The following TOX variants were observed in gnomAD, a reference collection of about 807,000 sequenced individuals.
TOX encodes thymocyte selection associated high mobility group box.
In TOX, 11 loss-of-function variants were observed where a neutral mutation model predicts 53.7. The observed-to-expected ratio is 0.20, with a 90% CI of 0.13 to 0.34. TOX has a LOEUF of 0.34. TOX is among the 10% of genes least tolerant of loss of function. The probability of loss-of-function intolerance (pLI) is 1.00; values close to 1 mark genes in which losing one functional copy is unlikely to be tolerated. For missense variants in TOX, 570 were observed against 664.6 expected, an observed-to-expected ratio of 0.86 and a Z score of 1.56; for synonymous variants, 225 against 245.3, an observed-to-expected ratio of 0.92 and a Z score of 0.77.
intron 1 of TOX, among the ~76,000 whole-genome samples, chr8:59,047,200 A>ATTTTT (rs1563429080): frequency 8.7e-6 from 1 of 115,282 alleles, no homozygotes; most frequent in African/African-American, 3.4e-5. Flanking sequence ...TCCACCAAGA[A>ATTTTT]TTGTTTTTTT....
chr8:58,810,249 T>C (rs894601086), intron 7 of TOX, among the ~76,000 whole-genome samples: 1 of 152,150 alleles, frequency 6.6e-6, no homozygotes, highest in Non-Finnish European at 1.5e-5. Flanking sequence ...AGGGATCCTC[T>C]TACCTTGGTC....
At chr8:58,904,335 T>C (rs1479405472) in intron 3 of TOX, among the ~76,000 whole-genome samples, 1 of 152,154 alleles carries the variant, frequency 6.6e-6, no homozygotes, top group Non-Finnish European at 1.5e-5. Flanking sequence ...GGCTTCTATG[T>C]GATACTAAAG....
intron 3 of TOX, among the ~76,000 whole-genome samples, chr8:58,862,391 ATCAC>A (rs1047619376): frequency 3.3e-5 from 5 of 152,188 alleles, no homozygotes; most frequent in Non-Finnish European, 2.9e-5. Context: ...TAATATTAAC[ATCAC>A]TCACTCATTT....
intron 1 of TOX, among the ~76,000 whole-genome samples, chr8:59,090,842 C>T (rs1804596235): frequency 6.6e-6 from 1 of 152,058 alleles, no homozygotes; most frequent in African/African-American, 2.4e-5. Context: ...TCCTCAAGGC[C>T]CATCAAACAA....
Position 58,838,609 on chromosome 8 carries a change from A to C in TOX, c.694-298T>G, listed in dbSNP as rs1238919407. Among the ~76,000 whole-genome samples, 3 of 151,440 alleles carry C rather than the reference A, an allele frequency of 2.0e-5. No homozygotes were observed. The East Asian group carries it at 5.8e-4, about 29-fold the overall frequency. ...TAACATTCCTAACTTTTTCTCTTAC[A>C]CTGTAACTGTGTCAACAGCAGATTT... On this transcript the variant is annotated intron_variant, in intron 4 of 8. Coordinates refer to ENST00000361421, the MANE Select transcript of TOX (RefSeq NM_014729.3).
chr8:58,884,224 G>GA, intron 3 of TOX, among the ~76,000 whole-genome samples: 1 of 152,106 alleles, frequency 6.6e-6, no homozygotes, highest in Non-Finnish European at 1.5e-5. Context: ...TTTAAGCTTT[G>GA]AAAGCTGACA....
At chr8:58,836,128 C>T (rs1019718105) in intron 5 of TOX, among the ~76,000 whole-genome samples, 6 of 152,136 alleles carry the variant, frequency 3.9e-5, no homozygotes, top group African/African-American at 9.7e-5. Context: ...GAGGAGACAG[C>T]GAGCTATGTC....
intron 3 of TOX, among the ~76,000 whole-genome samples, chr8:58,868,684 A>G (rs557087417): frequency 1.3e-5 from 2 of 152,288 alleles, no homozygotes; most frequent in Admixed American, 1.3e-4. Flanking sequence ...CAGCCGAAGC[A>G]GTGCTTAGAG....
At chr8:59,029,081 C>T (rs1270761774) in intron 1 of TOX, among the ~76,000 whole-genome samples, 2 of 152,072 alleles carry the variant, frequency 1.3e-5, no homozygotes, top group Non-Finnish European at 2.9e-5. Flanking sequence ...CGGAGGAAAT[C>T]GTACTGTCAT....
intron 3 of TOX, among the ~76,000 whole-genome samples, chr8:58,859,008 G>A (rs1376462698): frequency 1.3e-5 from 2 of 152,194 alleles, no homozygotes; most frequent in Non-Finnish European, 2.9e-5. Context: ...GAATAAATGT[G>A]TGGGGAAATT....
rs188803145 is a variant in TOX at position 59,075,540 on chromosome 8, C to T, written c.102+43346G>A. 3.9e-5 allele frequency among the ~76,000 whole-genome samples: 6 copies of T among 152,286 alleles called. No homozygotes were observed. The East Asian group carries it at 1.2e-3, about 29-fold the overall frequency. ...CATTTCTTTATGGAGGCTCCCATGC[C>T]ATATAAAACTCAGCTTGAACATATT... On this transcript the variant is annotated intron_variant, in intron 1 of 8. Transcript: ENST00000361421.
chr8:58,950,734 T>C (rs890996942), intron 2 of TOX, among the ~76,000 whole-genome samples: 1 of 152,098 alleles, frequency 6.6e-6, no homozygotes, highest in Admixed American at 6.5e-5. Flanking sequence ...TCCTGTAGTT[T>C]ATCTTCTGGA....
chr8:58,911,535 A>C (rs1196154399), intron 3 of TOX, among the ~76,000 whole-genome samples: 1 of 152,164 alleles, frequency 6.6e-6, no homozygotes, highest in East Asian at 1.9e-4. Flanking sequence ...AATTTCATAA[A>C]GTATTCTATC....
intron 1 of TOX, among the ~76,000 whole-genome samples, chr8:59,086,823 C>T (rs1424360848): frequency 2.0e-5 from 3 of 152,094 alleles, no homozygotes; most frequent in Non-Finnish European, 4.4e-5. Flanking sequence ...GATGGCTATG[C>T]CCATTACAGT....
chr8:58,894,018 T>C (rs191972116), intron 3 of TOX, among the ~76,000 whole-genome samples: 1 of 152,348 alleles, frequency 6.6e-6, no homozygotes, highest in East Asian at 1.9e-4. Flanking sequence ...ATAAAAACCG[T>C]TTCCAAGTAA....
At chr8:59,033,679 GT>G (rs1438234953) in intron 1 of TOX, among the ~76,000 whole-genome samples, 1 of 152,194 alleles carries the variant, frequency 6.6e-6, no homozygotes, top group Non-Finnish European at 1.5e-5. Context: ...ACCAAGAAAA[GT>G]GGTCTTAGTC....
intron 1 of TOX, among the ~76,000 whole-genome samples, chr8:59,080,649 G>A (rs1373640816): frequency 6.6e-6 from 1 of 152,144 alleles, no homozygotes; most frequent in Non-Finnish European, 1.5e-5. Context: ...GATCATGGGG[G>A]CAGATTCCCT....
intron 1 of TOX, among the ~76,000 whole-genome samples, chr8:58,966,122 A>G (rs1216253440): frequency 6.6e-6 from 1 of 152,088 alleles, no homozygotes; most frequent in Non-Finnish European, 1.5e-5. Flanking sequence ...CAGTCTCAAG[A>G]GAAGATGTCA....
intron 1 of TOX, among the ~76,000 whole-genome samples, chr8:59,063,915 CGT>C (rs1018297399): frequency 6.8e-5 from 10 of 146,892 alleles, no homozygotes; most frequent in Middle Eastern, 3.5e-3. Context: ...TGTGTGTGTT[CGT>C]GTGTGTGTGT....
Sources: gnomAD v4.1 joint callset for allele counts (sites outside exome capture counted in the v4.1 genomes callset) on GRCh38, gnomAD v4.1.1 for gene constraint, MANE v1.5 for transcripts, NCBI Gene and HGNC (gene_info 2026-07-23, HGNC 2026-07-21) for gene names.